The following PTPRD variants were observed in gnomAD, a reference collection of about 807,000 sequenced individuals.
The protein encoded by PTPRD is protein tyrosine phosphatase receptor type D, also known as receptor-type tyrosine-protein phosphatase delta.
In PTPRD, 34 loss-of-function variants were observed where a neutral mutation model predicts 214.5. The ratio of observed to expected loss-of-function variants is 0.16; its 90% CI spans 0.12 to 0.21. PTPRD has a LOEUF of 0.21. Ranked by LOEUF, PTPRD falls within the 10% of genes least tolerant of loss-of-function variation. The pLI is 1.00. For missense variants in PTPRD, 2,545 were observed against 2,398.7 expected (o/e 1.06, Z -1.27); for synonymous variants, 1,128 against 845.7 (o/e 1.33, Z -5.79).
chr9:10,419,420 T>C lies in PTPRD; in HGVS notation c.-599-78403A>G, dbSNP rs148962764. On this transcript the variant is annotated intron_variant, in intron 2 of 45. Coordinates refer to ENST00000381196, the MANE Select transcript of PTPRD (RefSeq NM_002839.4). ...TCCGTTCTTTTTACCTAAAACTCTATTTTATATCAAATTATGGCCATTATA... is the reference window on the plus strand; with the variant it reads ...TCCGTTCTTTTTACCTAAAACTCTACTTTATATCAAATTATGGCCATTATA... Among the ~76,000 whole-genome samples the C allele has an allele frequency of 3.1e-3, 478 of 151,932 alleles. 2 individuals carry two copies. The highest frequency in any genetic ancestry group is 0.011 in the African/African-American group (439 of 41,524).
chr9:8,376,545 A>C, intron 38 of PTPRD, 62 bp downstream of exon 38: 2 of 1,605,668 alleles, frequency 1.2e-6, no homozygotes, highest in South Asian at 1.1e-5. Context: ...TTCATTTCTC[A>C]AAAGAAGCTT....
At chr9:9,831,162 T>G (rs1238604286) in intron 5 of PTPRD, among the ~76,000 whole-genome samples, 1 of 151,946 alleles carries the variant, frequency 6.6e-6, no homozygotes, top group Non-Finnish European at 1.5e-5. Context: ...AGGAATTTAA[T>G]GACAGCATGG....
intron 4 of PTPRD, among the ~76,000 whole-genome samples, chr9:10,026,037 G>A (rs976057669): frequency 1.3e-5 from 2 of 152,194 alleles, no homozygotes; most frequent in Admixed American, 6.5e-5. Context: ...TTCACCACTT[G>A]CATAACCAGT....
rs2098258795 is a variant in PTPRD at position 9,734,565 on chromosome 9, T to A, written c.-319A>T. The A allele has an allele frequency of 1.3e-5, 2 of 151,120 alleles. No individual in the cohort carries two copies. The highest frequency in any genetic ancestry group is 4.2e-4 in the South Asian group (2 of 4,788). The allele number at this position is 151,120 out of a possible 1,614,324, so 9.4% of individuals were successfully genotyped here. A position where few individuals can be genotyped will look rare whatever the true frequency, so the allele number is the denominator to read the frequency against. On this transcript the variant is annotated 5_prime_UTR_variant, in exon 7 of 46. Transcript: ENST00000381196. ...TTGAAGTTACCAGAAGATCAAGGAG[T>A]CCAAGCCTGATAAAAAGCAAAACAG...
intron 10 of PTPRD, among the ~76,000 whole-genome samples, chr9:9,161,113 T>C (rs1313854606): frequency 1.3e-5 from 2 of 152,246 alleles, no homozygotes; most frequent in East Asian, 3.9e-4. Flanking sequence ...ACAGGAGGAA[T>C]ATATTAAGCT....
chr9:9,711,533 AAT>A (rs1185376959), intron 7 of PTPRD, among the ~76,000 whole-genome samples: 1 of 152,200 alleles, frequency 6.6e-6, no homozygotes, highest in African/African-American at 2.4e-5. Context: ...ATCTTGTTTT[AAT>A]GATAAATTCT....
intron 32 of PTPRD, among the ~76,000 whole-genome samples, chr9:8,464,358 A>C (rs1231285530): frequency 6.6e-6 from 1 of 152,046 alleles, no homozygotes; most frequent in African/African-American, 2.4e-5. Flanking sequence ...TCAACTAGAA[A>C]GAGAAAGCAT....
chr9:8,358,932 C>T (rs977250186), intron 39 of PTPRD, among the ~76,000 whole-genome samples: 4 of 150,396 alleles, frequency 2.7e-5, no homozygotes, highest in Non-Finnish European at 4.4e-5. Context: ...ACGGTGAAAC[C>T]CCGTCTCTAC....
intron 12 of PTPRD, among the ~76,000 whole-genome samples, chr9:8,663,509 G>A (rs1054423640): frequency 1.3e-5 from 2 of 151,880 alleles, no homozygotes; most frequent in Non-Finnish European, 1.5e-5. Context: ...TTTATTTATT[G>A]GGAGGCAGTC....
intron 5 of PTPRD, among the ~76,000 whole-genome samples, chr9:9,824,052 C>T (rs1310390881): frequency 6.6e-6 from 1 of 151,878 alleles, no homozygotes; most frequent in Non-Finnish European, 1.5e-5. Context: ...CTCTTAGTTT[C>T]ATGCACAAAA....
rs373690540 is a variant in PTPRD, at chr9:9,351,975, A to G, written c.-203+45474T>C. 2.2e-4 allele frequency among the ~76,000 whole-genome samples: 33 copies of G among 152,050 alleles called. 2 individuals are homozygous for G. The highest frequency in any genetic ancestry group is 7.9e-4 in the African/African-American group (33 of 41,524). ...ATCATATGATTCATATTTTAACTCTATCTTCATTCTGATATGCAAATAAAA... is the reference window on the plus strand; with the variant it reads ...ATCATATGATTCATATTTTAACTCTGTCTTCATTCTGATATGCAAATAAAA... On this transcript the variant is annotated intron_variant, in intron 9 of 45. Coordinates refer to ENST00000381196, the MANE Select transcript of PTPRD (RefSeq NM_002839.4).
chr9:9,113,219 T>C (rs1341531933), intron 10 of PTPRD, among the ~76,000 whole-genome samples: 5 of 151,946 alleles, frequency 3.3e-5, no homozygotes, highest in Non-Finnish European at 5.9e-5. Flanking sequence ...AAGTTATCCT[T>C]CTGCTTCAGC....
intron 11 of PTPRD, among the ~76,000 whole-genome samples, chr9:8,771,630 T>C (rs937085072): frequency 2.0e-5 from 3 of 152,188 alleles, no homozygotes; most frequent in Admixed American, 2.0e-4. Flanking sequence ...TGGATGTTTG[T>C]TTTATGAATA....
At chr9:10,459,645 C>T (rs1463332495) in intron 2 of PTPRD, among the ~76,000 whole-genome samples, 4 of 151,796 alleles carry the variant, frequency 2.6e-5, no homozygotes, top group Non-Finnish European at 5.9e-5. Flanking sequence ...ATTTCTCTAA[C>T]GACCCGTGAT....
chr9:9,291,718 CT>C (rs1416260665), intron 9 of PTPRD, among the ~76,000 whole-genome samples: 5 of 150,808 alleles, frequency 3.3e-5, no homozygotes, highest in African/African-American at 1.2e-4. Flanking sequence ...ACTATAATTA[CT>C]TTTTTTCAAA....
chr9:9,233,775 C>T (rs1181972381), intron 9 of PTPRD, among the ~76,000 whole-genome samples: 4 of 152,206 alleles, frequency 2.6e-5, no homozygotes, highest in Non-Finnish European at 4.4e-5. Context: ...AAAATGATCT[C>T]CTTAACGCCA....
intron 8 of PTPRD, among the ~76,000 whole-genome samples, chr9:9,560,584 G>C (rs571522660): frequency 1.9e-4 from 29 of 152,254 alleles, no homozygotes; most frequent in African/African-American, 6.0e-4. Flanking sequence ...CAGCCACATG[G>C]CTGACCGGGC....
intron 10 of PTPRD, among the ~76,000 whole-genome samples, chr9:9,038,826 G>A (rs2099630434): frequency 1.3e-5 from 2 of 152,014 alleles, no homozygotes; most frequent in South Asian, 4.2e-4. Context: ...CACAGTGTTG[G>A]CATTACAGGC....
intron 3 of PTPRD, among the ~76,000 whole-genome samples, chr9:10,338,538 T>C (rs73644420): frequency 8.8e-4 from 133 of 151,874 alleles, no homozygotes; most frequent in African/African-American, 3.0e-3. Context: ...ATTTTGACTT[T>C]TATCACATCT....
Sources: gnomAD v4.1 joint callset for allele counts (sites outside exome capture counted in the v4.1 genomes callset) on GRCh38, gnomAD v4.1.1 for gene constraint, MANE v1.5 for transcripts, NCBI Gene and HGNC (gene_info 2026-07-23, HGNC 2026-07-21) for gene names.